MOCOS: variants seen among roughly 807,000 people sequenced by gnomAD.
MOCOS encodes the protein human molybdenum cofactor sulfurase.
Under a neutral mutation model 83.6 loss-of-function variants are expected in MOCOS, and 86 were observed. That is an observed-to-expected ratio of 1.03 (90% CI 0.86 to 1.23). The LOEUF is 1.23. Ranked by LOEUF, MOCOS falls within the 50% of genes most tolerant of loss-of-function variation. MOCOS has a pLI of 0.00. For synonymous variants in MOCOS, 445 were observed against 434.7 expected (o/e 1.02, Z -0.29); for missense variants, 1,120 against 1,126.9 (o/e 0.99, Z 0.09).
chr18:36,213,212 A>T (rs751934787), intron 6 of MOCOS, among the ~76,000 whole-genome samples, 154 bp from the exon 7 acceptor site: 1 of 152,098 alleles, frequency 6.6e-6, no homozygotes, highest in Non-Finnish European at 1.5e-5. Context: ...ATTTTATACA[A>T]CGTTTAACCT....
intron 9 of MOCOS, among the ~76,000 whole-genome samples, chr18:36,225,227 C>G (rs538728892): frequency 8.1e-4 from 123 of 152,258 alleles, no homozygotes; most frequent in Non-Finnish European, 1.2e-3. Flanking sequence ...TCTCGGCTCA[C>G]TGCAACCTCC....
rs535079247 is a variant in MOCOS, at chr18:36,233,159, T to C, written c.1960+12942T>C. On this transcript the variant is annotated intron_variant, in intron 9 of 14. Coordinates refer to ENST00000261326, the MANE Select transcript of MOCOS (RefSeq NM_017947.4). ...GTACACTGCACCCAGTTGATAATCT[T>C]TTATCTCTCAACTCCCCTCCACCCT... Among the ~76,000 whole-genome samples the C allele has an allele frequency of 3.2e-4, 49 of 152,240 alleles. 1 individual carries two copies. Among genetic ancestry groups the C allele is most frequent in the African/African-American group, 1.1e-3 (46 of 41,542 alleles).
At chr18:36,198,631 A>G in intron 2 of MOCOS, 59 bp from the exon 3 acceptor site, 1 of 1,543,726 alleles carries the variant, frequency 6.5e-7, no homozygotes, top group Admixed American at 1.7e-5. Context: ...ATTCAGAAGG[A>G]ACACAAAAGA....
chr18:36,199,757 A>T lies in MOCOS; in HGVS notation c.374A>T (p.Lys125Ile). 1 of 1,614,148 alleles carries T rather than the reference A, an allele frequency of 6.2e-7. No individual in the cohort carries two copies. The highest frequency in any genetic ancestry group is 8.5e-7 in the Non-Finnish European group (1 of 1,180,028). ...IFTAGSTAAL[K>I]LVAEAFPWVS... ...ACTGCCGGGAGCACGGCTGCTCTCAAACTGGTGGCAGAGGCCTTTCCATGG... is the reference window on the plus strand; with the variant it reads ...ACTGCCGGGAGCACGGCTGCTCTCATACTGGTGGCAGAGGCCTTTCCATGG... Residue 125 changes from lysine (K) to isoleucine (I), a missense_variant, in exon 4 of 15, where the codon AAA (lysine) becomes ATA (isoleucine). Physicochemically the swap from Lys to Ile is moderately radical, Grantham distance 102 (BLOSUM62 -3). Coordinates refer to ENST00000261326, the MANE Select transcript of MOCOS (RefSeq NM_017947.4).
intron 9 of MOCOS, among the ~76,000 whole-genome samples, chr18:36,247,843 A>C (rs1013622926): frequency 1.3e-5 from 2 of 152,230 alleles, no homozygotes; most frequent in Non-Finnish European, 2.9e-5. Context: ...TTCATGCAGC[A>C]AAAGTTCACA....
intron 10 of MOCOS, 26 bp from the exon 11 acceptor site, chr18:36,251,133 C>T (rs2091620110): frequency 6.2e-7 from 1 of 1,603,992 alleles, no homozygotes; most frequent in Admixed American, 1.7e-5. Context: ...TGTAACAGTT[C>T]ACTCTTTCTC....
intron 9 of MOCOS, among the ~76,000 whole-genome samples, chr18:36,227,976 T>TA (rs1258985837): frequency 3.3e-5 from 5 of 152,106 alleles, no homozygotes; most frequent in Non-Finnish European, 7.4e-5. Context: ...ATAAGGAACT[T>TA]AAACAAATTT....
intron 8 of MOCOS, 128 bp downstream of exon 8, chr18:36,216,105 C>T (rs1302815591): frequency 3.1e-6 from 3 of 979,136 alleles, no homozygotes; most frequent in East Asian, 2.6e-5. Context: ...AAAAGCCATT[C>T]TCACTCTCCC....
intron 9 of MOCOS, among the ~76,000 whole-genome samples, chr18:36,233,439 G>A (rs2091546255): frequency 6.6e-6 from 1 of 152,168 alleles, no homozygotes; most frequent in Non-Finnish European, 1.5e-5. Flanking sequence ...CGCATTGGCT[G>A]ATGAGCATTT....
Position 36,199,673 on chromosome 18 carries a change from C to T in MOCOS, c.300-10C>T, listed in dbSNP as rs771320040. ...ATCCGCGGGTTGCGGGGATGCTGTGCTTCTTCCAGAATCCTGGCGCACTTC... is the reference window on the plus strand; with the variant it reads ...ATCCGCGGGTTGCGGGGATGCTGTGTTTCTTCCAGAATCCTGGCGCACTTC... On this transcript the variant is annotated splice_polypyrimidine_tract_variant and intron_variant, in intron 3 of 14. Coordinates refer to ENST00000261326, the MANE Select transcript of MOCOS (RefSeq NM_017947.4). The T allele has an allele frequency of 3.1e-6, 5 of 1,613,020 alleles. No homozygotes were observed. The Admixed American group carries it at 5.0e-5, about 16-fold the overall frequency.
At chr18:36,248,705 G>T (rs1223200335) in intron 9 of MOCOS, among the ~76,000 whole-genome samples, 1 of 152,082 alleles carries the variant, frequency 6.6e-6, no homozygotes. Flanking sequence ...AACTCTTCTT[G>T]CTCCAATGTT....
intron 6 of MOCOS, among the ~76,000 whole-genome samples, chr18:36,205,779 A>T (rs1013009908): frequency 2.6e-5 from 4 of 152,086 alleles, no homozygotes; most frequent in Admixed American, 2.6e-4. Context: ...TCGCTCTTTC[A>T]CCCAGGCTGG....
chr18:36,207,501 G>A (rs2091439132), intron 6 of MOCOS, among the ~76,000 whole-genome samples: 1 of 152,154 alleles, frequency 6.6e-6, no homozygotes, highest in Non-Finnish European at 1.5e-5. Flanking sequence ...CAACTGGTGT[G>A]AGATGGTATC....
intron 11 of MOCOS, among the ~76,000 whole-genome samples, chr18:36,254,498 G>GTGTGTA (rs1172254506): frequency 1.7e-5 from 1 of 60,060 alleles, no homozygotes; most frequent in Non-Finnish European, 3.3e-5. Flanking sequence ...GTGTGTGTGT[G>GTGTGTA]TATAGAGAGA....
At chr18:36,216,573 C>T (rs1266275860) in intron 8 of MOCOS, among the ~76,000 whole-genome samples, 1 of 152,134 alleles carries the variant, frequency 6.6e-6, no homozygotes, top group South Asian at 2.1e-4. Flanking sequence ...AGAAGCTCAA[C>T]CCTACTATAG....
At chr18:36,214,221 G>C (rs1189215148) in intron 7 of MOCOS, among the ~76,000 whole-genome samples, 1 of 110,036 alleles carries the variant, frequency 9.1e-6, no homozygotes, top group Non-Finnish European at 1.8e-5. Flanking sequence ...TCCAGCCTGG[G>C]CAAAAAGAGC....
chr18:36,187,629 C>A lies in MOCOS; in HGVS notation c.90C>A (p.Tyr30Ter). The A allele has an allele frequency of 8.0e-7, 1 of 1,250,560 alleles. No individual in the cohort carries two copies. The highest frequency in any genetic ancestry group is 1.0e-6 in the Non-Finnish European group (1 of 997,020). 77.5% of individuals were successfully genotyped at this position (1,250,560 alleles called of 1,614,324 possible). The change falls in exon 1 of 15, where the codon TAC becomes TAA. Residue 30 changes from tyrosine (Y) to a stop codon, truncating the protein, a stop_gained. Coordinates refer to ENST00000261326, the MANE Select transcript of MOCOS (RefSeq NM_017947.4). LOFTEE classifies it high-confidence loss of function. ...GCGCACCGCGGCTAGCCTACGGCTA[C>A]GGCCCGGGCAGCCTGCGCGAGCTGC... Reference protein sequence around the residue: ...DPSAPRLAYGYGPGSLRELRA... With the variant: ...DPSAPRLAYG
chr18:36,206,558 T>C (rs2091435525), intron 6 of MOCOS, among the ~76,000 whole-genome samples: 1 of 152,062 alleles, frequency 6.6e-6, no homozygotes, highest in Non-Finnish European at 1.5e-5. Flanking sequence ...CTTCCAACTT[T>C]TATTTTAGGT....
chr18:36,212,604 T>C, intron 6 of MOCOS, among the ~76,000 whole-genome samples: 1 of 152,194 alleles, frequency 6.6e-6, no homozygotes, highest in East Asian at 1.9e-4. Flanking sequence ...GAATGGCTTC[T>C]TCTCACACAC....
Sources: allele counts gnomAD v4.1 joint callset (sites outside exome capture counted in the v4.1 genomes callset), GRCh38; gene constraint gnomAD v4.1.1; transcripts MANE v1.5; gene names NCBI Gene and HGNC (gene_info 2026-07-23, HGNC 2026-07-21).